The following CCDC88A variants were observed in gnomAD, a reference collection of about 807,000 sequenced individuals.
CCDC88A encodes coiled-coil and HOOK domain protein 88A, also known as girdin.
A neutral mutation model predicts 234.3 loss-of-function variants in CCDC88A; 54 were observed. That is an observed-to-expected ratio of 0.23 (90% confidence interval 0.19 to 0.29). CCDC88A has a LOEUF of 0.29. CCDC88A is among the 10% of genes least tolerant of loss of function. The pLI is 1.00. For missense variants in CCDC88A, 1,832 were observed against 2,123.4 expected, an observed-to-expected ratio of 0.86 and a Z score of 2.70; for synonymous variants, 753 against 737.8, an observed-to-expected ratio of 1.02 and a Z score of -0.33.
chr2:55,373,554 T>A (rs1302039281), intron 4 of CCDC88A, among the ~76,000 whole-genome samples: 3 of 152,228 alleles, frequency 2.0e-5, no homozygotes, highest in African/African-American at 7.2e-5. Context: ...AATTATTACA[T>A]GATTTCCCCA....
chr2:55,337,136 C>T (rs1159652584), intron 13 of CCDC88A: 1 of 175,626 alleles, frequency 5.7e-6, no homozygotes, highest in East Asian at 1.7e-4. Context: ...ATTCACTTGG[C>T]TTGAGTGGAT....
At chr2:55,402,728 G>C (rs62138071) in intron 2 of CCDC88A, among the ~76,000 whole-genome samples, 2 of 150,286 alleles carry the variant, frequency 1.3e-5, no homozygotes, top group Non-Finnish European at 3.0e-5. Context: ...AAAAAAAACC[G>C]GCCAGGCGTG....
intron 9 of CCDC88A, among the ~76,000 whole-genome samples, chr2:55,346,936 GCTAT>G (rs527891461): frequency 2.4e-4 from 36 of 151,896 alleles, no homozygotes; most frequent in Admixed American, 7.2e-4. Flanking sequence ...TAAATATCAT[GCTAT>G]CTGTCAGGAA....
rs192065531 is a variant in CCDC88A at position 55,417,677 on chromosome 2, A to C, written c.164+1139T>G. The C allele has an allele frequency of 1.1e-4, 16 of 152,104 alleles. No homozygotes were observed. In the East Asian group the frequency reaches 3.1e-3, roughly 29 times the overall value. 9.4% of individuals were successfully genotyped at this position (152,104 alleles called of 1,614,324 possible). On this transcript the variant is annotated intron_variant, in intron 2 of 32. Coordinates refer to ENST00000436346, the MANE Select transcript of CCDC88A (RefSeq NM_001365480.1). ...ACTTCCCTGTAGGATCAACATGTAC[A>C]TGAAAAACAGCCCACAAATCTCTTT...
intron 5 of CCDC88A, among the ~76,000 whole-genome samples, chr2:55,365,838 A>T (rs181278720): frequency 1.3e-5 from 2 of 152,254 alleles, no homozygotes; most frequent in Non-Finnish European, 2.9e-5. Flanking sequence ...GAATAATCAG[A>T]TCAAATTTCT....
chr2:55,386,782 A>T (rs917198523), intron 3 of CCDC88A, among the ~76,000 whole-genome samples: 1 of 151,800 alleles, frequency 6.6e-6, no homozygotes, highest in Non-Finnish European at 1.5e-5. Context: ...TTCTGTCTCT[A>T]TTTAAAAACT....
intron 11 of CCDC88A, 99 bp from the exon 12 acceptor site, chr2:55,343,891 CAGTA>C: frequency 2.0e-6 from 2 of 1,013,482 alleles, no homozygotes; most frequent in Non-Finnish European, 2.8e-6. Flanking sequence ...ATCAGAAACT[CAGTA>C]ATAATTATGA....
Position 55,334,947 on chromosome 2 carries a change from T to C in CCDC88A, c.1874A>G (p.Glu625Gly), listed in dbSNP as rs1558689431. Residue 625 changes from glutamate to glycine, a missense_variant, in exon 15 of 33, where the codon GAA becomes GGA. Around this residue, in one of 6 missense-constraint regions of CCDC88A, gnomAD observed 1,282 missense variants for 1,543.6 expected, o/e 0.83. Transcript: ENST00000436346. This position sits in a 1 kb window ranked among gnomAD's most constrained non-coding sequence, Gnocchi z 6.1. ...KELEHYKEKG[E>G]RAEELENELH... ...TTCATTTTCAAGTTCTTCAGCTCGT[T>C]CTCCTTTTTCTTTATAATGTTCCAA... The C allele has an allele frequency of 1.3e-6, 2 of 1,559,280 alleles. No individual in the cohort carries two copies. Among genetic ancestry groups the C allele is most frequent in the Non-Finnish European group, 1.7e-6 (2 of 1,146,898 alleles).
At position 55,399,566 on chromosome 2, in the gene CCDC88A, C is replaced by T. The variant is rs565609244; in HGVS notation, c.165-10680G>A. The T allele has an allele frequency of 9.4e-5, 14 of 149,460 alleles. 1 individual carries two copies. Among genetic ancestry groups the T allele is most frequent in the African/African-American group, 3.2e-4 (13 of 40,588 alleles). The allele number at this position is 149,460 out of a possible 1,614,324, so 9.3% of individuals were successfully genotyped here. ...AAAAGTGGCACTCCAGAGAACTGAA[C>T]TGAGATATGAGGAGAAATACAGCAG... is the stretch of plus-strand genomic sequence containing the variant. On this transcript the variant is annotated intron_variant, in intron 2 of 32. Coordinates refer to ENST00000436346, the MANE Select transcript of CCDC88A (RefSeq NM_001365480.1).
rs377623390 is a variant in CCDC88A at position 55,336,802 on chromosome 2, T to C, written c.1535A>G (p.Asn512Ser). Residue 512 changes from asparagine to serine, a missense_variant, in exon 14 of 33, where the codon AAT becomes AGT. Physicochemically the swap from Asn to Ser is conservative, Grantham distance 46 (BLOSUM62 1). Transcript: ENST00000436346. ...RLSKKVEILE[N>S]EIVQEKQSLQ... ...ACTTTGCTTTTCTTGAACAATCTCATTTTCAAGAATCTCAACCTAGAGAAA... is the reference window on the plus strand; with the variant it reads ...ACTTTGCTTTTCTTGAACAATCTCACTTTCAAGAATCTCAACCTAGAGAAA... The C allele has an allele frequency of 3.2e-6, 5 of 1,579,400 alleles. No homozygotes were observed. The highest frequency in any genetic ancestry group is 1.8e-5 in the Admixed American group (1 of 56,978).
At position 55,339,533 on chromosome 2, in the gene CCDC88A, C is replaced by G. The variant is rs144078369; in HGVS notation, c.1449G>C (p.Val483=). The change falls in exon 13 of 33, where the codon GTG becomes GTC. Residue 483 remains valine, a synonymous_variant. Coordinates refer to ENST00000436346, the MANE Select transcript of CCDC88A (RefSeq NM_001365480.1). ...TKTVEELRTT[V]DSVEGNASKI... is the part of the protein sequence containing the mutation. ...TGGAAGCATTGCCTTCTACAGAATC[C>G]ACAGTAGTCCGAAGCTCTTCTACGG... The G allele has an allele frequency of 8.3e-4, 1,340 of 1,613,050 alleles. 15 individuals carry two copies. In the African/African-American group the frequency reaches 0.017, roughly 20 times the overall value.
intron 4 of CCDC88A, among the ~76,000 whole-genome samples, chr2:55,373,989 T>C (rs1277635490): frequency 1.3e-5 from 2 of 152,132 alleles, no homozygotes; most frequent in African/African-American, 4.8e-5. Flanking sequence ...ATTTAAAATG[T>C]GGTATAAAGG....
Position 55,419,462 on chromosome 2 carries a change from T to C in CCDC88A, c.-383A>G, listed in dbSNP as rs1681976459. ...AGCGAAACTGCTCCCAATGAATCAA[T>C]CCCAACGGGGGCTAAATGAAATACG... On this transcript the variant is annotated 5_prime_UTR_variant, in exon 1 of 33. Transcript: ENST00000436346. 4.8e-6 allele frequency: 1 copy of C among 207,024 alleles called. No homozygotes were observed. The highest frequency in any genetic ancestry group is 2.2e-3 in the Middle Eastern group (1 of 460). The allele number at this position is 207,024 out of a possible 1,614,324, so 12.8% of individuals were successfully genotyped here.
At chr2:55,399,096 C>T (rs745663562) in intron 2 of CCDC88A, among the ~76,000 whole-genome samples, 1 of 151,884 alleles carries the variant, frequency 6.6e-6, no homozygotes, top group Non-Finnish European at 1.5e-5. Flanking sequence ...AGAAGAAATA[C>T]AGGAGCATAA....
intron 3 of CCDC88A, among the ~76,000 whole-genome samples, chr2:55,382,222 G>C (rs889977274): frequency 6.6e-6 from 1 of 151,952 alleles, no homozygotes; most frequent in Non-Finnish European, 1.5e-5. Context: ...AACCTACAAA[G>C]TATCTATTTT....
intron 3 of CCDC88A, among the ~76,000 whole-genome samples, chr2:55,385,710 G>T (rs1051786962): frequency 6.6e-6 from 1 of 151,354 alleles, no homozygotes; most frequent in Non-Finnish European, 1.5e-5. Context: ...AAAATTAGCC[G>T]GGCCTGGTGG....
intron 16 of CCDC88A, chr2:55,330,162 T>C (rs991547670): frequency 9.2e-5 from 14 of 152,188 alleles, no homozygotes; most frequent in African/African-American, 3.4e-4. Context: ...ATAATAATTG[T>C]ACCTTCAAAT....
intron 9 of CCDC88A, among the ~76,000 whole-genome samples, chr2:55,346,576 T>C (rs1669138446): frequency 6.6e-6 from 1 of 152,060 alleles, no homozygotes; most frequent in African/African-American, 2.4e-5. Context: ...CCCCCCACCA[T>C]GCCCGGCTAA....
intron 2 of CCDC88A, among the ~76,000 whole-genome samples, chr2:55,390,303 G>A (rs879836972): frequency 3.3e-5 from 5 of 152,068 alleles, no homozygotes; most frequent in Admixed American, 6.6e-5. Context: ...ACCCTCACAC[G>A]TAGTTAGAAG....
Sources: gnomAD v4.1 joint callset for allele counts (sites outside exome capture counted in the v4.1 genomes callset) on GRCh38, gnomAD v4.1.1 for gene constraint, gnomAD v4.1.1 regional missense constraint, Gnocchi (gnomAD v3.1) non-coding constraint, MANE v1.5 for transcripts, NCBI Gene and HGNC (gene_info 2026-07-23, HGNC 2026-07-21) for gene names.